DOCK2: variants seen among roughly 807,000 people sequenced by gnomAD.
DOCK2 encodes dedicator of cytokinesis 2.
In DOCK2, 87 loss-of-function variants were observed where a neutral mutation model predicts 248.9. The ratio of observed to expected loss-of-function variants is 0.35; its 90% CI spans 0.29 to 0.42. The LOEUF (loss-of-function observed/expected upper bound fraction) is 0.42, where lower values mean the gene tolerates loss of function less well. Ranked by LOEUF, DOCK2 falls within the 10% of genes least tolerant of loss-of-function variation. The pLI is 1.00. For missense variants in DOCK2, 1,747 were observed against 2,300.2 expected (o/e 0.76, Z 4.92); for synonymous variants, 805 against 821.6 (o/e 0.98, Z 0.35).
intron 2 of DOCK2, among the ~76,000 whole-genome samples, chr5:169,655,680 A>G (rs1758069173): frequency 6.6e-6 from 1 of 152,188 alleles, no homozygotes; most frequent in Admixed American, 6.5e-5. Flanking sequence ...TTGTGTAAAC[A>G]CATACACACA....
intron 27 of DOCK2, among the ~76,000 whole-genome samples, chr5:169,921,911 C>G (rs546331780): frequency 2.0e-5 from 3 of 152,142 alleles, no homozygotes; most frequent in Admixed American, 2.0e-4. Flanking sequence ...AGCCCCTTGA[C>G]AGTAGAAAGA....
chr5:169,857,742 A>G (rs1383586642), intron 27 of DOCK2, among the ~76,000 whole-genome samples: 1 of 152,062 alleles, frequency 6.6e-6, no homozygotes. Flanking sequence ...CTAAAAAAAA[A>G]AAAAAGAAAA....
At chr5:169,679,908 G>T (rs13180246) in intron 6 of DOCK2, among the ~76,000 whole-genome samples, 1 of 152,118 alleles carries the variant, frequency 6.6e-6, no homozygotes, top group Admixed American at 6.5e-5. Context: ...CCAGAATCTG[G>T]TACTTAGTAG....
At chr5:169,737,669 A>G (rs1315046934) in intron 22 of DOCK2, among the ~76,000 whole-genome samples, 1 of 152,168 alleles carries the variant, frequency 6.6e-6, no homozygotes, top group Non-Finnish European at 1.5e-5. Context: ...CCAATGCTAC[A>G]TAACAAAGCC....
intron 1 of DOCK2, among the ~76,000 whole-genome samples, chr5:169,642,648 G>T (rs753552946): frequency 2.0e-5 from 3 of 152,182 alleles, no homozygotes; most frequent in African/African-American, 4.8e-5. Context: ...ATTCTTAGGT[G>T]CCGGGGCTTC....
At chr5:170,010,840 CTTTG>C (rs1160100652) in intron 32 of DOCK2, among the ~76,000 whole-genome samples, 4 of 152,190 alleles carry the variant, frequency 2.6e-5, no homozygotes, top group Admixed American at 1.3e-4. Context: ...GGGATCTGTG[CTTTG>C]TTTGTTTCAA....
chr5:169,901,624 TGAG>T (rs1174116223), intron 27 of DOCK2, among the ~76,000 whole-genome samples: 3 of 152,152 alleles, frequency 2.0e-5, no homozygotes, highest in Non-Finnish European at 2.9e-5. Context: ...AGTAAGATGA[TGAG>T]AACTGGATAA....
At chr5:169,682,714 A>C (rs1018641549) in intron 7 of DOCK2, among the ~76,000 whole-genome samples, 5 of 152,248 alleles carry the variant, frequency 3.3e-5, no homozygotes, top group Admixed American at 2.0e-4. Context: ...ATTACTCTTT[A>C]ATGAATCGTA....
intron 26 of DOCK2, among the ~76,000 whole-genome samples, chr5:169,825,259 C>T (rs1296036527): frequency 6.6e-6 from 1 of 152,136 alleles, no homozygotes; most frequent in African/African-American, 2.4e-5. Flanking sequence ...ACCCAGCCAT[C>T]CCATTACTGG....
At chr5:169,818,723 G>C (rs1446161120) in intron 26 of DOCK2, among the ~76,000 whole-genome samples, 3 of 152,136 alleles carry the variant, frequency 2.0e-5, no homozygotes, top group African/African-American at 7.2e-5. Context: ...TCTATTTCCA[G>C]CTCTAATTCT....
intron 15 of DOCK2, among the ~76,000 whole-genome samples, chr5:169,711,005 C>A (rs879138237): frequency 3.3e-5 from 5 of 152,276 alleles, no homozygotes; most frequent in Admixed American, 3.3e-4. Context: ...TTCTAGTGAA[C>A]ATTCAACACT....
intron 14 of DOCK2, among the ~76,000 whole-genome samples, chr5:169,707,017 C>T (rs931709094): frequency 2.0e-5 from 3 of 152,144 alleles, no homozygotes; most frequent in Non-Finnish European, 2.9e-5. Flanking sequence ...ATCAACATGC[C>T]GAGAGGCACA....
chr5:169,928,188 G>T (rs182482157), intron 27 of DOCK2, among the ~76,000 whole-genome samples: 1 of 152,098 alleles, frequency 6.6e-6, no homozygotes, highest in Non-Finnish European at 1.5e-5. Flanking sequence ...CCCACCCAAG[G>T]CCAAACCAAT....
At position 169,868,373 on chromosome 5, in the gene DOCK2, G is replaced by A. The variant is rs574855457; in HGVS notation, c.2799+27521G>A. Among the ~76,000 whole-genome samples, 7 of 152,294 alleles carry A rather than the reference G, an allele frequency of 4.6e-5. No homozygotes were observed. The East Asian group carries it at 1.2e-3, about 25-fold the overall frequency. On this transcript the variant is annotated intron_variant, in intron 27 of 51. Coordinates refer to ENST00000520908, the MANE Select transcript of DOCK2 (RefSeq NM_004946.3). ...ACCAACTGCCTTCCTCTCCTTATATGTGAAGTGTCTCTGACTTCATAATTC... is the reference window on the plus strand; with the variant it reads ...ACCAACTGCCTTCCTCTCCTTATATATGAAGTGTCTCTGACTTCATAATTC...
At chr5:169,674,147 C>A in intron 5 of DOCK2, 150 bp from the exon 6 acceptor site, 3 of 797,480 alleles carry the variant, frequency 3.8e-6, no homozygotes, top group Non-Finnish European at 5.6e-6. Context: ...CGACTAGGAC[C>A]CCCACCTAAT....
At chr5:169,956,567 G>A (rs1446161970) in intron 27 of DOCK2, among the ~76,000 whole-genome samples, 1 of 152,192 alleles carries the variant, frequency 6.6e-6, no homozygotes, top group Non-Finnish European at 1.5e-5. Context: ...CCTTTTAGAA[G>A]CCTTAAGATG....
At position 169,825,642 on chromosome 5, in the gene DOCK2, G is replaced by A. The variant is rs1768797458; in HGVS notation, c.2704-15115G>A. ...TTGTGGGGTGGGGGGAGGGGGGAGA[G>A]ATAGCATTAGGAGAAATACCTAATG... On this transcript the variant is annotated intron_variant, in intron 26 of 51. Transcript: ENST00000520908. Among the ~76,000 whole-genome samples the A allele has an allele frequency of 2.7e-5, 4 of 148,922 alleles. No homozygotes were observed. In the South Asian group the frequency reaches 8.7e-4, roughly 32 times the overall value.
intron 26 of DOCK2, among the ~76,000 whole-genome samples, chr5:169,823,108 TG>T (rs544762230): frequency 8.3e-4 from 126 of 152,286 alleles, no homozygotes; most frequent in African/African-American, 2.7e-3. Context: ...TAACAGGCTC[TG>T]AAATTGAGGC....
intron 38 of DOCK2, among the ~76,000 whole-genome samples, chr5:170,043,768 T>C (rs760699326): frequency 1.8e-4 from 27 of 152,184 alleles, no homozygotes; most frequent in Non-Finnish European, 2.5e-4. Flanking sequence ...GCTGATTAAG[T>C]ATGTTGCAGT....
Sources: gnomAD v4.1 joint callset for allele counts (sites outside exome capture counted in the v4.1 genomes callset) on GRCh38, gnomAD v4.1.1 for gene constraint, MANE v1.5 for transcripts, NCBI Gene and HGNC (gene_info 2026-07-23, HGNC 2026-07-21) for gene names.